Variants in SLC9A3 observed in about 807,000 individuals in gnomAD.
SLC9A3 encodes the protein sodium/hydrogen exchanger 3.
A neutral mutation model predicts 86.8 loss-of-function variants in SLC9A3; 37 were observed. The ratio of observed to expected loss-of-function variants is 0.43; its 90% CI spans 0.33 to 0.56. SLC9A3 has a LOEUF of 0.56. SLC9A3 is among the 20% of genes least tolerant of loss of function. The probability of loss-of-function intolerance (pLI) is 0.06; values close to 1 mark genes in which losing one functional copy is unlikely to be tolerated. For synonymous variants in SLC9A3, 581 were observed against 528.3 expected (o/e 1.10, Z -1.37); for missense variants, 1,011 against 1,171.9 (o/e 0.86, Z 2.00).
chr5:495,931 C>A (rs56872788), intron 1 of SLC9A3, among the ~76,000 whole-genome samples: 6,542 of 139,476 alleles, frequency 0.047, 20 homozygotes, highest in Non-Finnish European at 0.064. Context: ...ACCCTCCCCA[C>A]GCTCCACTCC....
In SLC9A3 at chr5:477,365, G is replaced by A. The variant is rs980178094; in HGVS notation, c.1727C>T (p.Ser576Leu). Residue 576 changes from serine to leucine, a missense_variant, in exon 11 of 17, where the codon TCG becomes TTG. Physicochemically the swap from Ser to Leu is moderately radical, Grantham distance 145. This residue lies in a region of SLC9A3 where 565 missense variants were observed against 790.0 expected (regional missense o/e 0.72). Transcript: ENST00000264938. ...NVVNVDFTPR[S>L]STVEASVSYL... ...GGAGACAGAGGCCTCCACGGTGGAC[G>A]ATCGTGGCGTGAAGTCCACGTTGAC... The A allele has an allele frequency of 1.2e-6, 2 of 1,612,328 alleles. No individual in the cohort carries two copies. Among genetic ancestry groups the A allele is most frequent in the Non-Finnish European group, 1.7e-6 (2 of 1,179,214 alleles).
At chr5:503,928 G>C (rs1182369210) in intron 1 of SLC9A3, among the ~76,000 whole-genome samples, 1 of 152,166 alleles carries the variant, frequency 6.6e-6, no homozygotes, top group Non-Finnish European at 1.5e-5. Context: ...AGAGCTCTTG[G>C]GGGGTTCCCA....
At position 491,728 on chromosome 5, in the gene SLC9A3, C is replaced by A. The variant is rs1284796614; in HGVS notation, c.514+41G>T. The A allele has an allele frequency of 2.7e-6, 4 of 1,476,176 alleles. No homozygotes were observed. In the East Asian group the frequency reaches 7.5e-5, roughly 28 times the overall value. 91.4% of individuals were successfully genotyped at this position (1,476,176 alleles called of 1,614,324 possible). ...GAGGCAGCGCCGCCCCTCCCGGACC[C>A]CACCCTGATCCCGGCCGGGGCAACA... On this transcript the variant is annotated intron_variant, in intron 2 of 16. Transcript: ENST00000264938. The surrounding 1 kb of genome is among the most constrained non-coding windows in gnomAD (Gnocchi z 9.2).
At chr5:488,627 C>T (rs1244103035) in intron 2 of SLC9A3, 151 bp from the exon 3 acceptor site, 5 of 737,088 alleles carry the variant, frequency 6.8e-6, no homozygotes, top group African/African-American at 1.8e-5. Context: ...TGCGTCCCTC[C>T]CACAGACCCC....
At position 475,227 on chromosome 5, in the gene SLC9A3, A is replaced by G. The variant is rs56093108; in HGVS notation, c.2252-95T>C. 797 of 721,502 alleles carry G rather than the reference A, an allele frequency of 1.1e-3. 2 individuals carry two copies. The highest frequency in any genetic ancestry group is 1.5e-3 in the Non-Finnish European group (725 of 498,772). 44.7% of individuals were successfully genotyped at this position (721,502 alleles called of 1,614,324 possible). On this transcript the variant is annotated intron_variant, in intron 15 of 16. Coordinates refer to ENST00000264938, the MANE Select transcript of SLC9A3 (RefSeq NM_004174.4). ...CCGTCACCTGCTGGGTGCCTTGGAA[A>G]GTTAGGGTCACCGGGAAGGTTAGGG...
At chr5:504,795 A>T (rs1330132600) in intron 1 of SLC9A3, among the ~76,000 whole-genome samples, 1 of 152,146 alleles carries the variant, frequency 6.6e-6, no homozygotes, top group Non-Finnish European at 1.5e-5. Context: ...TGGCCCCTTC[A>T]TGGGGGCCGG....
In SLC9A3 at chr5:471,262, G is replaced by T; in HGVS notation, c.*2117C>A. On this transcript the variant is annotated 3_prime_UTR_variant, in exon 17 of 17. Transcript: ENST00000264938. ...ACTTTGGTAACCGGGTGTCCAGGGA[G>T]GAGCGATCGGGAGTGGCCAAGCAGT... 1 of 165,080 alleles carries T rather than the reference G, an allele frequency of 6.1e-6. No individual in the cohort carries two copies. The highest frequency in any genetic ancestry group is 1.3e-5 in the Non-Finnish European group (1 of 74,190). The allele number at this position is 165,080 out of a possible 1,614,324, so 10.2% of individuals were successfully genotyped here. A position where few individuals can be genotyped will look rare whatever the true frequency, so the allele number is the denominator to read the frequency against.
At chr5:492,667 G>C (rs982430066) in intron 1 of SLC9A3, among the ~76,000 whole-genome samples, 1 of 151,906 alleles carries the variant, frequency 6.6e-6, no homozygotes, top group Non-Finnish European at 1.5e-5. Flanking sequence ...GTCGGGGGGG[G>C]GCCTCTGACC....
intron 1 of SLC9A3, among the ~76,000 whole-genome samples, chr5:504,756 C>T (rs182751361): frequency 1.9e-4 from 29 of 152,296 alleles, no homozygotes; most frequent in African/African-American, 5.1e-4. Context: ...AAGGGGTGTT[C>T]GTGCCCAGCT....
At chr5:504,752 T>A (rs1740469308) in intron 1 of SLC9A3, among the ~76,000 whole-genome samples, 1 of 151,978 alleles carries the variant, frequency 6.6e-6, no homozygotes, top group South Asian at 2.1e-4. Flanking sequence ...GGGGAAGGGG[T>A]GTTCGTGCCC....
intron 1 of SLC9A3, among the ~76,000 whole-genome samples, chr5:510,517 C>T (rs1740830462): frequency 6.6e-6 from 1 of 152,196 alleles, no homozygotes; most frequent in Non-Finnish European, 1.5e-5. Context: ...CTCGAGTGAA[C>T]CCTAGAACTA....
Position 479,983 on chromosome 5 carries a change from G to A in SLC9A3, c.1518-18C>T. On this transcript the variant is annotated intron_variant, in intron 9 of 16. Coordinates refer to ENST00000264938, the MANE Select transcript of SLC9A3 (RefSeq NM_004174.4). ...GGGACCACCTGTAGGGACAGACCTTGGGTGTGAGCCTCAGGTGACAGGCGC... is the reference window on the plus strand; with the variant it reads ...GGGACCACCTGTAGGGACAGACCTTAGGTGTGAGCCTCAGGTGACAGGCGC... 1 of 1,609,476 alleles carries A rather than the reference G, an allele frequency of 6.2e-7. No individual in the cohort carries two copies. The highest frequency in any genetic ancestry group is 8.5e-7 in the Non-Finnish European group (1 of 1,176,664).
intron 1 of SLC9A3, among the ~76,000 whole-genome samples, chr5:507,166 CTTTTTTTTT>C (rs778066069): frequency 3.3e-5 from 1 of 30,668 alleles, no homozygotes. Context: ...GCTGCTGCTT[CTTTTTTTTT>C]TTTTTTTTTT....
At chr5:524,013 G>A (rs909933302) in intron 1 of SLC9A3, 99 bp downstream of exon 1, 3 of 742,834 alleles carry the variant, frequency 4.0e-6, no homozygotes, top group Admixed American at 4.3e-5. Context: ...GCCGCCGCGC[G>A]GCTCCGACCT....
At chr5:488,779 T>G (rs1286615069) in intron 2 of SLC9A3, among the ~76,000 whole-genome samples, 2 of 152,154 alleles carry the variant, frequency 1.3e-5, no homozygotes, top group African/African-American at 4.8e-5. Context: ...CACCGCATGC[T>G]GGGGAGGGAT....
rs1396376498 is a variant in SLC9A3 at position 472,966 on chromosome 5, A to C, written c.*413T>G. On this transcript the variant is annotated 3_prime_UTR_variant, in exon 17 of 17. Transcript: ENST00000264938. ...GCGGACCCTTCCCGCCGGCGGCGTC[A>C]CAGCGGCGTCTCCTCCTGCTCCAGC... The C allele has an allele frequency of 9.5e-6, 5 of 525,240 alleles. No homozygotes were observed. The highest frequency in any genetic ancestry group is 1.7e-5 in the Non-Finnish European group (5 of 298,044). 32.5% of individuals were successfully genotyped at this position (525,240 alleles called of 1,614,324 possible).
rs1173739404 is a variant in SLC9A3, at chr5:486,609, C to T, written c.676-1378G>A. The stretch of plus-strand genomic sequence containing the variant: ...CAGTTCAGTTTCCCTCCCTTCACCT[C>T]TGTCATGGGCCAAATTGTGCCCCCG... On this transcript the variant is annotated intron_variant, in intron 3 of 16. Transcript: ENST00000264938. Among the ~76,000 whole-genome samples the T allele has an allele frequency of 2.0e-5, 3 of 152,206 alleles. No individual in the cohort carries two copies. In the East Asian group the frequency reaches 5.8e-4, roughly 29 times the overall value.
At chr5:484,856 C>T (rs867955294) in intron 4 of SLC9A3, among the ~76,000 whole-genome samples, 159 bp from the exon 5 acceptor site, 5 of 152,228 alleles carry the variant, frequency 3.3e-5, no homozygotes, top group African/African-American at 4.8e-5. Flanking sequence ...AGCCTTGGTT[C>T]AGCAAGTGGG....
chr5:473,187 G>A lies in SLC9A3; in HGVS notation c.*192C>T, dbSNP rs988615397. ...AGGCCCCGCCCCCGGCTCGCCCTCG[G>A]GCGGCTCTGCGGGCGCAGGCGCGGC... On this transcript the variant is annotated 3_prime_UTR_variant, in exon 17 of 17. Transcript: ENST00000264938. The A allele has an allele frequency of 1.4e-4, 75 of 553,260 alleles. No individual in the cohort carries two copies. Among genetic ancestry groups the A allele is most frequent in the African/African-American group, 1.3e-3 (65 of 50,618 alleles). 34.3% of individuals were successfully genotyped at this position (553,260 alleles called of 1,614,324 possible). A position where few individuals can be genotyped will look rare whatever the true frequency, so the allele number is the denominator to read the frequency against.
Sources: allele counts gnomAD v4.1 joint callset (sites outside exome capture counted in the v4.1 genomes callset), GRCh38; gene constraint gnomAD v4.1.1; regional missense constraint gnomAD v4.1.1; non-coding constraint Gnocchi (gnomAD v3.1); transcripts MANE v1.5; gene names NCBI Gene and HGNC (gene_info 2026-07-23, HGNC 2026-07-21).